TRHDE: variants seen among roughly 807,000 people sequenced by gnomAD.
TRHDE encodes the protein thyrotropin-releasing hormone-degrading ectoenzyme.
A neutral mutation model predicts 125.7 loss-of-function variants in TRHDE; 72 were observed. That is an observed-to-expected ratio of 0.57 (90% CI 0.47 to 0.70). The LOEUF (loss-of-function observed/expected upper bound fraction) is 0.70. Ranked by LOEUF, TRHDE falls within the 30% of genes least tolerant of loss-of-function variation. The probability of loss-of-function intolerance (pLI) is 0.00; values close to 1 mark genes in which losing one functional copy is unlikely to be tolerated. For missense variants in TRHDE, 1,110 were observed against 1,327.1 expected (o/e 0.84, Z 2.54); for synonymous variants, 509 against 509.1 (o/e 1.00, Z 0.00).
At chr12:72,375,849 G>A (rs544323174) in intron 2 of TRHDE, among the ~76,000 whole-genome samples, 20 of 152,258 alleles carry the variant, frequency 1.3e-4, no homozygotes, top group African/African-American at 3.4e-4. Flanking sequence ...AGATGGGTGC[G>A]AATAAATATT....
chr12:72,641,830 T>C lies in TRHDE; in HGVS notation c.2676-10492T>C, dbSNP rs576790440. On this transcript the variant is annotated intron_variant, in intron 15 of 18. Transcript: ENST00000261180. ...TCATTCCACTGTTTTTATGAATGAA[T>C]GACATATTTTTCATTCCACAGTTTT... 4.6e-5 allele frequency among the ~76,000 whole-genome samples: 7 copies of C among 151,978 alleles called. No individual in the cohort carries two copies. The South Asian group carries it at 1.5e-3, about 32-fold the overall frequency.
chr12:72,424,948 C>T (rs573024578), intron 3 of TRHDE, among the ~76,000 whole-genome samples: 1 of 152,000 alleles, frequency 6.6e-6, no homozygotes, highest in East Asian at 1.9e-4. Flanking sequence ...AAACTGAAAT[C>T]ACAGAAAGGA....
At chr12:72,350,148 A>G (rs990808953) in intron 2 of TRHDE, among the ~76,000 whole-genome samples, 1 of 151,982 alleles carries the variant, frequency 6.6e-6, no homozygotes, top group African/African-American at 2.4e-5. Flanking sequence ...CTGTCTCTGC[A>G]TATATTCTTG....
chr12:72,346,257 G>A (rs1009843878), intron 2 of TRHDE, among the ~76,000 whole-genome samples: 1 of 152,046 alleles, frequency 6.6e-6, no homozygotes, highest in African/African-American at 2.4e-5. Flanking sequence ...TCGACAAAGA[G>A]TTGATGAATC....
At chr12:72,392,897 A>G (rs2135792942) in intron 3 of TRHDE, among the ~76,000 whole-genome samples, 1 of 152,290 alleles carries the variant, frequency 6.6e-6, no homozygotes, top group East Asian at 1.9e-4. Context: ...CCATTTGCTT[A>G]TAAATATGTG....
intron 2 of TRHDE, among the ~76,000 whole-genome samples, chr12:72,129,439 A>T (rs1192897954): frequency 1.3e-5 from 2 of 152,210 alleles, no homozygotes; most frequent in Non-Finnish European, 2.9e-5. Flanking sequence ...ATTGTCTCCA[A>T]ACCTTCCTAA....
At chr12:72,474,485 T>A (rs549068589) in intron 5 of TRHDE, among the ~76,000 whole-genome samples, 2 of 152,290 alleles carry the variant, frequency 1.3e-5, no homozygotes, top group South Asian at 4.1e-4. Flanking sequence ...CTTCTGTGAA[T>A]TTGACTATTT....
chr12:72,256,310 A>AT (rs1270884554), intron 2 of TRHDE: 1 of 151,964 alleles, frequency 6.6e-6, no homozygotes, highest in Non-Finnish European at 1.5e-5. Context: ...CCTGCTTGCC[A>AT]TATCTCAGAC....
In TRHDE at chr12:72,230,151, T is replaced by TA. The variant is rs981802210; in HGVS notation, n.279+124407dup. Reference sequence around the variant, plus strand: ...AAGGGCCTTAAGACCTAAAGAGCTGTAAAAAAAACTTGCAAAAATAAAATT... The same window carrying TA: ...AAGGGCCTTAAGACCTAAAGAGCTGTAAAAAAAAACTTGCAAAAATAAAATT... On this transcript the variant is annotated intron_variant and non_coding_transcript_variant, in intron 2 of 4. Coordinates refer to the TRHDE transcript ENST00000548156. Among the ~76,000 whole-genome samples the TA allele has an allele frequency of 1.3e-4, 19 of 151,906 alleles. No homozygotes were observed. In the South Asian group the frequency reaches 3.1e-3, roughly 25 times the overall value.
intron 1 of TRHDE, among the ~76,000 whole-genome samples, chr12:72,098,697 T>C (rs922851134): frequency 6.6e-6 from 1 of 152,152 alleles, no homozygotes; most frequent in East Asian, 1.9e-4. Context: ...GTCTAGTCAC[T>C]GGAAGATGAG....
chr12:72,476,817 A>G (rs1476744551), intron 5 of TRHDE, among the ~76,000 whole-genome samples: 3 of 152,310 alleles, frequency 2.0e-5, no homozygotes, highest in South Asian at 2.1e-4. Flanking sequence ...TTAGGCCAGT[A>G]TACTTCGCTT....
At chr12:72,111,873 C>T (rs754733709) in intron 2 of TRHDE, among the ~76,000 whole-genome samples, 5 of 152,064 alleles carry the variant, frequency 3.3e-5, no homozygotes, top group African/African-American at 4.8e-5. Context: ...GAATATGTGT[C>T]TACACAGAGT....
chr12:72,237,056 C>G (rs938213659), intron 2 of TRHDE, among the ~76,000 whole-genome samples: 9 of 152,016 alleles, frequency 5.9e-5, no homozygotes, highest in African/African-American at 2.2e-4. Context: ...GAGCTATTCT[C>G]TAGAGTTAAA....
intron 3 of TRHDE, among the ~76,000 whole-genome samples, chr12:72,400,243 G>A (rs1281091419): frequency 6.6e-6 from 1 of 152,008 alleles, no homozygotes; most frequent in Non-Finnish European, 1.5e-5. Flanking sequence ...ACAGCAGAAG[G>A]TATTTTATAC....
chr12:72,645,287 A>G (rs1457586054), intron 15 of TRHDE, among the ~76,000 whole-genome samples: 1 of 152,206 alleles, frequency 6.6e-6, no homozygotes, highest in East Asian at 1.9e-4. Context: ...AGTACTAAAC[A>G]GGTGATGAAG....
At chr12:72,333,133 A>C (rs1869678461) in intron 2 of TRHDE, among the ~76,000 whole-genome samples, 1 of 152,222 alleles carries the variant, frequency 6.6e-6, no homozygotes, top group Non-Finnish European at 1.5e-5. Flanking sequence ...AGTAATGGGG[A>C]GTGCACTCAT....
intron 12 of TRHDE, among the ~76,000 whole-genome samples, chr12:72,614,130 C>T (rs111714334): frequency 6.6e-6 from 1 of 151,660 alleles, no homozygotes; most frequent in African/African-American, 2.4e-5. Flanking sequence ...GGGGTTCTGC[C>T]CTCATGATCC....
At chr12:72,578,683 G>A (rs888061119) in intron 12 of TRHDE, among the ~76,000 whole-genome samples, 8 of 152,204 alleles carry the variant, frequency 5.3e-5, no homozygotes, top group Middle Eastern at 6.8e-3. Context: ...GATTGTGCCC[G>A]TGTATATTTG....
chr12:72,363,147 A>T (rs183135582), intron 2 of TRHDE, among the ~76,000 whole-genome samples: 5 of 152,086 alleles, frequency 3.3e-5, no homozygotes, highest in Admixed American at 2.0e-4. Flanking sequence ...TCTATAAATT[A>T]TCTTGGGCAG....
Sources: allele counts gnomAD v4.1 joint callset (sites outside exome capture counted in the v4.1 genomes callset), GRCh38; gene constraint gnomAD v4.1.1; transcripts MANE v1.5; gene names NCBI Gene and HGNC (gene_info 2026-07-23, HGNC 2026-07-21).